UGT2A1: variants seen among roughly 807,000 people sequenced by gnomAD.
UGT2A1 encodes the protein UDP-glucuronosyltransferase 2A1.
UGT2A1 carries 61 observed loss-of-function variants against 45.4 expected under a neutral mutation model. That is an observed-to-expected ratio of 1.34 (90% CI 1.09 to 1.66). The LOEUF is 1.66. Ranked by LOEUF, UGT2A1 falls within the 40% of genes most tolerant of loss-of-function variation. The pLI is 0.00. For synonymous variants in UGT2A1, 229 were observed against 196.2 expected, an observed-to-expected ratio of 1.17 and a Z score of -1.40; for missense variants, 649 against 574.3, an observed-to-expected ratio of 1.13 and a Z score of -1.33.
intron 2 of UGT2A1, among the ~76,000 whole-genome samples, chr4:69,636,068 T>C (rs955235476): frequency 7.2e-5 from 11 of 152,286 alleles, no homozygotes; most frequent in Middle Eastern, 3.4e-3. Flanking sequence ...CTCACTGATA[T>C]AGAAAACAAG....
intron 3 of UGT2A1, among the ~76,000 whole-genome samples, chr4:69,614,366 A>G (rs533565284): frequency 6.6e-6 from 1 of 152,178 alleles, no homozygotes; most frequent in Admixed American, 6.6e-5. Flanking sequence ...GAATAGAGGA[A>G]TCGAAAGCAT....
At chr4:69,648,277 T>G (rs927066968) in intron 1 of UGT2A1, among the ~76,000 whole-genome samples, 1 of 61,872 alleles carries the variant, frequency 1.6e-5, no homozygotes, top group African/African-American at 6.4e-5. Flanking sequence ...ACTACTTTAG[T>G]AATATGTTTA....
At chr4:69,639,738 C>A (rs747810533) in intron 2 of UGT2A1, 64 of 1,175,694 alleles carry the variant, frequency 5.4e-5, no homozygotes, top group Non-Finnish European at 4.6e-6. Flanking sequence ...TACACTCAGT[C>A]GTAGGTCAAT....
At position 69,588,454 on chromosome 4, in the gene UGT2A1, A is replaced by T. The variant is rs1308743700; in HGVS notation, c.*918T>A. On this transcript the variant is annotated 3_prime_UTR_variant, in exon 7 of 7. Coordinates refer to ENST00000286604, the MANE Select transcript of UGT2A1 (RefSeq NM_001252275.3). ...TAAGCATTTTTTATTTTTTGGCATA[A>T]AATTAAACTTTTGATTACAAATAGT... 3 of 152,106 alleles carry T rather than the reference A, an allele frequency of 2.0e-5. No homozygotes were observed. Among genetic ancestry groups the T allele is most frequent in the Non-Finnish European group, 2.9e-5 (2 of 67,978 alleles). The allele number at this position is 152,106 out of a possible 1,614,324, so 9.4% of individuals were successfully genotyped here.
intron 2 of UGT2A1, among the ~76,000 whole-genome samples, chr4:69,638,117 C>A (rs906461182): frequency 1.3e-5 from 2 of 152,104 alleles, no homozygotes; most frequent in African/African-American, 4.8e-5. Context: ...AAGTCTTTCA[C>A]ATTACCTCTG....
intron 2 of UGT2A1, chr4:69,639,663 GA>G (rs751185474): frequency 5.8e-5 from 87 of 1,505,094 alleles, no homozygotes; most frequent in Admixed American, 2.9e-4. Context: ...CCTTCAAGAT[GA>G]AAAAAAAATC....
chr4:69,606,451 C>T lies in UGT2A1; in HGVS notation c.848-7057G>A, dbSNP rs1364609540. ...AATAATAAGAGCTATCTATGACAGA[C>T]CCACAGCCAATATCATACTGAATGG... On this transcript the variant is annotated intron_variant, in intron 3 of 6. Coordinates refer to ENST00000286604, the MANE Select transcript of UGT2A1 (RefSeq NM_001252275.3). Among the ~76,000 whole-genome samples, 4 of 136,264 alleles carry T rather than the reference C, an allele frequency of 2.9e-5. 1 individual carries two copies. The highest frequency in any genetic ancestry group is 6.2e-5 in the Non-Finnish European group (4 of 64,196). 89.4% of individuals were successfully genotyped at this position (136,264 alleles called of 152,430 possible).
intron 2 of UGT2A1, chr4:69,639,724 T>C (rs1721949004): frequency 2.9e-5 from 39 of 1,340,884 alleles, no homozygotes; most frequent in Non-Finnish European, 3.7e-5. Context: ...TTTAGTGCGA[T>C]GGTTACACTC....
intron 3 of UGT2A1, among the ~76,000 whole-genome samples, chr4:69,606,297 A>G (rs1385945277): frequency 2.2e-5 from 3 of 136,906 alleles, no homozygotes; most frequent in Non-Finnish European, 3.1e-5. Flanking sequence ...GTAATCCAGC[A>G]TATAAACAGA....
intron 2 of UGT2A1, chr4:69,639,647 G>A (rs1256488689): frequency 1.9e-6 from 3 of 1,547,174 alleles, no homozygotes; most frequent in Non-Finnish European, 2.6e-6. Flanking sequence ...CCATCCTACT[G>A]TAGATCCTTC....
chr4:69,592,627 CT>C (rs1410237480), intron 6 of UGT2A1, among the ~76,000 whole-genome samples: 2 of 151,934 alleles, frequency 1.3e-5, no homozygotes, highest in Non-Finnish European at 2.9e-5. Context: ...AATAAATTTA[CT>C]AATTTGTGAA....
Position 69,632,002 on chromosome 4 carries a change from TACC to T in UGT2A1, c.847+3686_847+3688del, listed in dbSNP as rs770095016. Among the ~76,000 whole-genome samples the T allele has an allele frequency of 2.0e-4, 31 of 152,292 alleles. No homozygotes were observed. The East Asian group carries it at 3.1e-3, about 15-fold the overall frequency. The stretch of plus-strand genomic sequence containing the variant: ...CCACAGTTTGTATAAATCCAATAAA[TACC>T]ACATTATAGTTATTAGTTTTTCTTT... On this transcript the variant is annotated intron_variant, in intron 3 of 6. Coordinates refer to ENST00000286604, the MANE Select transcript of UGT2A1 (RefSeq NM_001252275.3).
At chr4:69,623,325 C>T (rs576873041) in intron 3 of UGT2A1, among the ~76,000 whole-genome samples, 35 of 151,786 alleles carry the variant, frequency 2.3e-4, no homozygotes, top group African/African-American at 8.4e-4. Context: ...GTTTTGAGTT[C>T]CCCAAGAAAC....
chr4:69,608,881 A>C lies in UGT2A1; in HGVS notation c.848-9487T>G, dbSNP rs576949830. On this transcript the variant is annotated intron_variant, in intron 3 of 6. Coordinates refer to ENST00000286604, the MANE Select transcript of UGT2A1 (RefSeq NM_001252275.3). The stretch of plus-strand genomic sequence containing the variant: ...CAGTAATTTTTGTAAAAAATAAATA[A>C]TTTTAAACAAATTTATATGTTTAAA... 1.5e-4 allele frequency among the ~76,000 whole-genome samples: 23 copies of C among 152,196 alleles called. No homozygotes were observed. The South Asian group carries it at 2.9e-3, about 19-fold the overall frequency.
intron 6 of UGT2A1, 66 bp downstream of exon 6, chr4:69,594,411 A>G (rs1718783400): frequency 1.3e-6 from 2 of 1,564,356 alleles, no homozygotes; most frequent in African/African-American, 1.4e-5. Flanking sequence ...AAAAGAATGT[A>G]CATTTTCTGG....
intron 6 of UGT2A1, among the ~76,000 whole-genome samples, chr4:69,592,214 A>G (rs72852558): frequency 0.013 from 2,010 of 152,294 alleles, 37 homozygotes; most frequent in African/African-American, 0.046. Flanking sequence ...CCTGAATCTC[A>G]GCCTTCAGGA....
At chr4:69,627,572 A>G (rs573796598) in intron 3 of UGT2A1, among the ~76,000 whole-genome samples, 234 of 149,262 alleles carry the variant, frequency 1.6e-3, no homozygotes, top group African/African-American at 5.6e-3. Context: ...GAGAGAAAGA[A>G]AGAGAGAAAG....
intron 3 of UGT2A1, among the ~76,000 whole-genome samples, chr4:69,631,655 G>A (rs901331550): frequency 2.0e-5 from 3 of 152,162 alleles, no homozygotes; most frequent in African/African-American, 4.8e-5. Flanking sequence ...AAGGAGAGGA[G>A]TGTGTACATG....
At chr4:69,599,954 A>C (rs1719171540) in intron 3 of UGT2A1, among the ~76,000 whole-genome samples, 1 of 152,214 alleles carries the variant, frequency 6.6e-6, no homozygotes, top group South Asian at 2.1e-4. Flanking sequence ...AATCAGAGGC[A>C]TTGCTAGCAT....
Sources: allele counts gnomAD v4.1 joint callset (sites outside exome capture counted in the v4.1 genomes callset), GRCh38; gene constraint gnomAD v4.1.1; transcripts MANE v1.5; gene names NCBI Gene and HGNC (gene_info 2026-07-23, HGNC 2026-07-21).